Variants in SCHIP1 observed in about 807,000 individuals in gnomAD.
SCHIP1 encodes schwannomin-interacting protein 1.
SCHIP1 carries 8 observed loss-of-function variants against 29.7 expected under a neutral mutation model. The observed-to-expected ratio is 0.27, with a 90% CI of 0.16 to 0.49. The LOEUF is 0.49. Ranked by LOEUF, SCHIP1 falls within the 20% of genes least tolerant of loss-of-function variation. The pLI is 0.99. For synonymous variants in SCHIP1, 76 were observed against 94.9 expected (o/e 0.80, Z 1.16); for missense variants, 193 against 294.6 (o/e 0.66, Z 2.52).
chr3:159,689,417 G>T, the SCHIP1 span, among the ~76,000 whole-genome samples: 12 of 152,216 alleles, frequency 7.9e-5, no homozygotes, highest in African/African-American at 2.6e-4. Flanking sequence ...TTGATGTATA[G>T]GAATGCTTGT....
the SCHIP1 span, among the ~76,000 whole-genome samples, chr3:159,461,991 C>T: frequency 6.6e-6 from 1 of 152,078 alleles, no homozygotes; most frequent in African/African-American, 2.4e-5. Context: ...GGGCGGATCA[C>T]CTGAGATCAG....
At chr3:159,735,881 T>C in the SCHIP1 span, among the ~76,000 whole-genome samples, 1 of 152,174 alleles carries the variant, frequency 6.6e-6, no homozygotes, top group African/African-American at 2.4e-5. Flanking sequence ...AGTCCACACT[T>C]GTCCACTTAA....
the SCHIP1 span, among the ~76,000 whole-genome samples, chr3:159,654,802 T>TAAAAAAAAAA: frequency 1.9e-5 from 2 of 103,806 alleles, no homozygotes; most frequent in Non-Finnish European, 2.0e-5. Context: ...TGACTTTAAG[T>TAAAAAAAAAA]AAAAAAAAAA....
the SCHIP1 span, among the ~76,000 whole-genome samples, chr3:159,570,208 A>G: frequency 6.6e-6 from 1 of 152,156 alleles, no homozygotes; most frequent in East Asian, 1.9e-4. Context: ...TTAGTCCTGA[A>G]GTCCTTGCCC....
chr3:159,327,600 A>G, the SCHIP1 span, among the ~76,000 whole-genome samples: 2 of 152,172 alleles, frequency 1.3e-5, no homozygotes, highest in Admixed American at 1.3e-4. Context: ...GCAAATGCAA[A>G]TTAGTTTTCC....
the SCHIP1 span, among the ~76,000 whole-genome samples, chr3:159,807,872 T>G: frequency 5.3e-5 from 8 of 152,212 alleles, no homozygotes; most frequent in Non-Finnish European, 1.0e-4. Flanking sequence ...AGGCAGGTAC[T>G]ACTTCTCTTG....
chr3:159,723,817 T>C, the SCHIP1 span, among the ~76,000 whole-genome samples: 1 of 152,198 alleles, frequency 6.6e-6, no homozygotes, highest in South Asian at 2.1e-4. Context: ...AGAAGAGGCA[T>C]TTCAAATGAA....
At chr3:159,746,433 C>T in the SCHIP1 span, among the ~76,000 whole-genome samples, 1 of 152,180 alleles carries the variant, frequency 6.6e-6, no homozygotes, top group Non-Finnish European at 1.5e-5. Context: ...TCACTCCCTT[C>T]CAGTCACCAC....
the SCHIP1 span, among the ~76,000 whole-genome samples, chr3:159,517,750 CCTT>C: frequency 6.6e-6 from 1 of 151,828 alleles, no homozygotes; most frequent in Non-Finnish European, 1.5e-5. Context: ...CACCCTAAAA[CCTT>C]CTTAATGGTT....
the SCHIP1 span, among the ~76,000 whole-genome samples, chr3:159,395,917 G>T: frequency 7.2e-5 from 11 of 152,008 alleles, no homozygotes; most frequent in African/African-American, 1.9e-4. Flanking sequence ...GTTGACAGTG[G>T]GGTGTTAAAT....
At chr3:159,855,528 C>T (rs1199404890) in intron 1 of SCHIP1, among the ~76,000 whole-genome samples, 1 of 151,930 alleles carries the variant, frequency 6.6e-6, no homozygotes, top group Non-Finnish European at 1.5e-5. Context: ...TGAGTCCATG[C>T]CTGTAATATA....
chr3:159,577,211 T>C, the SCHIP1 span, among the ~76,000 whole-genome samples: 57 of 152,158 alleles, frequency 3.7e-4, no homozygotes, highest in Admixed American at 3.7e-3. Flanking sequence ...TAAAGATTCA[T>C]TTGTCAAATC....
the SCHIP1 span, among the ~76,000 whole-genome samples, chr3:159,608,229 G>A: frequency 6.6e-6 from 1 of 152,158 alleles, no homozygotes; most frequent in Non-Finnish European, 1.5e-5. Flanking sequence ...CTAACTTTAT[G>A]GAATTAAAGT....
the SCHIP1 span, among the ~76,000 whole-genome samples, chr3:159,599,623 T>C: frequency 6.6e-6 from 1 of 152,248 alleles, no homozygotes; most frequent in African/African-American, 2.4e-5. Flanking sequence ...GCTATGTATA[T>C]ATACCATATT....
the SCHIP1 span, among the ~76,000 whole-genome samples, chr3:159,549,463 G>T: frequency 2.0e-5 from 3 of 152,126 alleles, no homozygotes; most frequent in African/African-American, 4.8e-5. Flanking sequence ...GTTCATAAGG[G>T]TGAGGCCCTT....
rs1472051269 is a variant in SCHIP1 at position 159,840,014 on chromosome 3, A to AG, written c.-169dup. The AG allele has an allele frequency of 2.8e-6, 4 of 1,437,898 alleles. No individual in the cohort carries two copies. The East Asian group carries it at 1.0e-4, about 38-fold the overall frequency. The allele number at this position is 1,437,898 out of a possible 1,614,324, so 89.1% of individuals were successfully genotyped here. On this transcript the variant is annotated 5_prime_UTR_variant, in exon 1 of 7. Transcript: ENST00000445224. ...TCGCTAGCTGCGCGCTTCCCGGCAC[A>AG]GGCAGTGCCACTGCGCAGGTTGATC...
At chr3:159,373,858 G>T in the SCHIP1 span, among the ~76,000 whole-genome samples, 3 of 152,038 alleles carry the variant, frequency 2.0e-5, no homozygotes, top group Admixed American at 1.3e-4. Context: ...TCATAACTTG[G>T]CTACTATGAA....
At chr3:159,598,628 C>G in the SCHIP1 span, among the ~76,000 whole-genome samples, 1 of 152,162 alleles carries the variant, frequency 6.6e-6, no homozygotes, top group Non-Finnish European at 1.5e-5. Context: ...CCTGCACCTG[C>G]CTTCACAGAC....
At chr3:159,641,131 G>C in the SCHIP1 span, among the ~76,000 whole-genome samples, 1,244 of 152,120 alleles carry the variant, frequency 8.2e-3, 23 homozygotes, top group African/African-American at 0.029. Context: ...GACCATACCT[G>C]GTATGTAATA....
Sources: gnomAD v4.1 joint callset for allele counts (sites outside exome capture counted in the v4.1 genomes callset) on GRCh38, gnomAD v4.1.1 for gene constraint, MANE v1.5 for transcripts, NCBI Gene and HGNC (gene_info 2026-07-23, HGNC 2026-07-21) for gene names.